Variants in OR5K1 observed in about 807,000 individuals in gnomAD.
The protein encoded by OR5K1 is olfactory receptor 5K1.
Under a neutral mutation model 10.4 loss-of-function variants are expected in OR5K1, and 7 were observed. The ratio of observed to expected loss-of-function variants is 0.67; its 90% CI spans 0.38 to 1.26. The LOEUF (loss-of-function observed/expected upper bound fraction) is 1.26, where lower values mean the gene tolerates loss of function less well. OR5K1 is among the 50% of genes most tolerant of loss of function. The pLI, the probability that OR5K1 is intolerant of heterozygous loss-of-function variation, is 0.02. For missense variants in OR5K1, 435 were observed against 366.2 expected (o/e 1.19, Z -1.53); for synonymous variants, 135 against 128.5 (o/e 1.05, Z -0.34).
rs1275454001 is a variant in OR5K1 at position 98,469,466 on chromosome 3, A to G, written c.-11-100A>G. 11 of 1,138,978 alleles carry G rather than the reference A, an allele frequency of 9.7e-6. No homozygotes were observed. In the East Asian group the frequency reaches 1.0e-4, roughly 10 times the overall value. The allele number at this position is 1,138,978 out of a possible 1,614,324, so 70.6% of individuals were successfully genotyped here. ...CACCAAAGTCCAGGCAACATGAGGA[A>G]ACATTGTGGAAGATGCTCTCCTTCC... is the stretch of plus-strand genomic sequence containing the variant. On this transcript the variant is annotated intron_variant, in intron 1 of 1. Coordinates refer to ENST00000642057, the MANE Select transcript of OR5K1 (RefSeq NM_001004736.4).
Position 98,463,297 on chromosome 3 carries a change from G to A in OR5K1, c.-22G>A, listed in dbSNP as rs1232843789. The A allele has an allele frequency of 6.6e-6, 1 of 152,008 alleles. No individual in the cohort carries two copies. The highest frequency in any genetic ancestry group is 2.4e-5 in the African/African-American group (1 of 41,398). The allele number at this position is 152,008 out of a possible 1,614,324, so 9.4% of individuals were successfully genotyped here. A position where few individuals can be genotyped will look rare whatever the true frequency, so the allele number is the denominator to read the frequency against. ...CTGGCCCCTTTAAAACTCTTACCAG[G>A]GAAAATTCAGGTGAGAAAGAATTTA... is the stretch of plus-strand genomic sequence containing the variant. On this transcript the variant is annotated 5_prime_UTR_variant, in exon 1 of 2. Coordinates refer to ENST00000642057, the MANE Select transcript of OR5K1 (RefSeq NM_001004736.4).
chr3:98,468,157 C>G (rs1008504665), intron 1 of OR5K1, among the ~76,000 whole-genome samples: 1 of 152,000 alleles, frequency 6.6e-6, no homozygotes, highest in Non-Finnish European at 1.5e-5. Context: ...GTCTCCTCCC[C>G]ACTTCCGTCC....
In OR5K1 at chr3:98,472,734, C is replaced by G. The variant is rs374814704; in HGVS notation, c.*2231C>G. ...TGAGGGATAACACTGTTGTATGGCT[C>G]TGGCCTCCTTTTCTTATATCAAAAA... On this transcript the variant is annotated 3_prime_UTR_variant, in exon 2 of 2. Coordinates refer to ENST00000642057, the MANE Select transcript of OR5K1 (RefSeq NM_001004736.4). 7 of 152,050 alleles carry G rather than the reference C, an allele frequency of 4.6e-5. No individual in the cohort carries two copies. In the South Asian group the frequency reaches 8.3e-4, roughly 18 times the overall value. The allele number at this position is 152,050 out of a possible 1,614,324, so 9.4% of individuals were successfully genotyped here. A position where few individuals can be genotyped will look rare whatever the true frequency, so the allele number is the denominator to read the frequency against.
intron 1 of OR5K1, among the ~76,000 whole-genome samples, chr3:98,468,788 A>T (rs1159103575): frequency 6.6e-6 from 1 of 152,092 alleles, no homozygotes; most frequent in African/African-American, 2.4e-5. Flanking sequence ...TTGGCATATA[A>T]AAATACTCTT....
intron 1 of OR5K1, among the ~76,000 whole-genome samples, chr3:98,469,182 A>G (rs1166136650): frequency 2.6e-5 from 4 of 152,092 alleles, no homozygotes; most frequent in Non-Finnish European, 4.4e-5. Context: ...TAATGAAGGA[A>G]CAGAAAACCA....
At chr3:98,465,864 T>C (rs530788777) in intron 1 of OR5K1, among the ~76,000 whole-genome samples, 1 of 149,584 alleles carries the variant, frequency 6.7e-6, no homozygotes, top group Non-Finnish European at 1.5e-5. Flanking sequence ...TATTCATGAT[T>C]TTTGACTTAT....
At chr3:98,465,733 T>A (rs1705364803) in intron 1 of OR5K1, among the ~76,000 whole-genome samples, 2 of 152,038 alleles carry the variant, frequency 1.3e-5, no homozygotes, top group South Asian at 4.1e-4. Context: ...TTCATATTTT[T>A]CTGTTCTGCC....
Position 98,465,894 on chromosome 3 carries a change from T to G in OR5K1, c.-12+2587T>G, listed in dbSNP as rs1239029118. Among the ~76,000 whole-genome samples the G allele has an allele frequency of 2.0e-5, 3 of 151,890 alleles. 1 individual carries two copies. The highest frequency in any genetic ancestry group is 7.2e-5 in the African/African-American group (3 of 41,454). ...ACTTATATAAATAAATTTGTCTTTT[T>G]TTTTTAATTTTTTTTTATTATACTT... On this transcript the variant is annotated intron_variant, in intron 1 of 1. Coordinates refer to ENST00000642057, the MANE Select transcript of OR5K1 (RefSeq NM_001004736.4).
chr3:98,470,034 A>G lies in OR5K1; in HGVS notation c.458A>G (p.Asn153Ser). ...ACCACAGGGGCCTTCATAGCTGGAA[A>G]CCTGCATTCCATGATTCATGTAGGG... is the stretch of plus-strand genomic sequence containing the variant. ...QMTTGAFIAG[N>S]LHSMIHVGLV... The change falls in exon 2 of 2, where the codon AAC becomes AGC. Residue 153 changes from asparagine to serine, a missense_variant. Physicochemically the swap from Asn to Ser is conservative, Grantham distance 46. Transcript: ENST00000642057. 6.2e-7 allele frequency: 1 copy of G among 1,613,420 alleles called. No individual in the cohort carries two copies. Among genetic ancestry groups the G allele is most frequent in the Non-Finnish European group, 8.5e-7 (1 of 1,179,706 alleles).
intron 1 of OR5K1, 22 bp from the exon 2 acceptor site, chr3:98,469,544 T>A: frequency 6.3e-7 from 1 of 1,588,036 alleles, no homozygotes; most frequent in Non-Finnish European, 8.6e-7. Context: ...TAGTGCCTTC[T>A]TTCTCCACAA....
chr3:98,469,470 T>C, intron 1 of OR5K1, 96 bp from the exon 2 acceptor site: 2 of 1,163,768 alleles, frequency 1.7e-6, no homozygotes, highest in Non-Finnish European at 2.4e-6. Context: ...TGAGGAAACA[T>C]TGTGGAAGAT....
chr3:98,463,720 C>T (rs779244590), intron 1 of OR5K1, among the ~76,000 whole-genome samples: 1 of 152,068 alleles, frequency 6.6e-6, no homozygotes, highest in African/African-American at 2.4e-5. Context: ...TAAGTAAGGA[C>T]TATAATTTCA....
At chr3:98,468,544 C>A (rs1165321338) in intron 1 of OR5K1, among the ~76,000 whole-genome samples, 1 of 152,044 alleles carries the variant, frequency 6.6e-6, no homozygotes, top group Non-Finnish European at 1.5e-5. Flanking sequence ...AATTTGACTA[C>A]TCTAGGTACC....
chr3:98,472,645 ACT>A lies in OR5K1; in HGVS notation c.*2145_*2146del, dbSNP rs1388418423. The A allele has an allele frequency of 1.3e-5, 2 of 151,810 alleles. No homozygotes were observed. Among genetic ancestry groups the A allele is most frequent in the African/African-American group, 2.4e-5 (1 of 41,350 alleles). The allele number at this position is 151,810 out of a possible 1,614,324, so 9.4% of individuals were successfully genotyped here. A position where few individuals can be genotyped will look rare whatever the true frequency, so the allele number is the denominator to read the frequency against. ...GAGTAAAATTGGACTCAAAAATGAG[ACT>A]CTGTCTTAGTCTATTCTCTCTGTCT... On this transcript the variant is annotated 3_prime_UTR_variant, in exon 2 of 2. Coordinates refer to ENST00000642057, the MANE Select transcript of OR5K1 (RefSeq NM_001004736.4).
Position 98,469,448 on chromosome 3 carries a change from G to C in OR5K1, c.-11-118G>C, listed in dbSNP as rs1368077234. The C allele has an allele frequency of 4.2e-6, 4 of 959,786 alleles. No homozygotes were observed. The East Asian group carries it at 1.0e-4, about 25-fold the overall frequency. The allele number at this position is 959,786 out of a possible 1,614,324, so 59.5% of individuals were successfully genotyped here. On this transcript the variant is annotated intron_variant, in intron 1 of 1. Transcript: ENST00000642057. ...CCCCATGAATGGGGCATGCACCAAA[G>C]TCCAGGCAACATGAGGAAACATTGT...
At chr3:98,465,104 G>A (rs1027625744) in intron 1 of OR5K1, among the ~76,000 whole-genome samples, 6 of 151,968 alleles carry the variant, frequency 3.9e-5, no homozygotes, top group Admixed American at 6.6e-5. Flanking sequence ...ATATAAAGCC[G>A]AAAAATAATT....
Position 98,470,946 on chromosome 3 carries a change from A to C in OR5K1, c.*443A>C, listed in dbSNP as rs1705439927. The C allele has an allele frequency of 6.5e-6, 1 of 152,804 alleles. No homozygotes were observed. Among genetic ancestry groups the C allele is most frequent in the African/African-American group, 2.4e-5 (1 of 41,442 alleles). The allele number at this position is 152,804 out of a possible 1,614,324, so 9.5% of individuals were successfully genotyped here. A position where few individuals can be genotyped will look rare whatever the true frequency, so the allele number is the denominator to read the frequency against. ...GTTTAAGATCATATGATGGTCAACC[A>C]GTAAAATCACTTACATCCATGAGCA... On this transcript the variant is annotated 3_prime_UTR_variant, in exon 2 of 2. Transcript: ENST00000642057.
intron 1 of OR5K1, among the ~76,000 whole-genome samples, chr3:98,466,976 C>T (rs377040856): frequency 3.3e-5 from 4 of 121,368 alleles, no homozygotes; most frequent in Admixed American, 1.6e-4. Context: ...TCCTTGCCCA[C>T]GCCTATGTCC....
chr3:98,467,802 T>G (rs1221356623), intron 1 of OR5K1, among the ~76,000 whole-genome samples: 3 of 138,142 alleles, frequency 2.2e-5, no homozygotes, highest in Non-Finnish European at 4.6e-5. Context: ...GATTTTGGGC[T>G]GAGACGATGG....
Sources: allele counts gnomAD v4.1 joint callset (sites outside exome capture counted in the v4.1 genomes callset), GRCh38; gene constraint gnomAD v4.1.1; transcripts MANE v1.5; gene names NCBI Gene and HGNC (gene_info 2026-07-23, HGNC 2026-07-21).